The following INTS15 variants were observed in gnomAD, a reference collection of about 807,000 sequenced individuals.
The protein encoded by INTS15 is uncharacterized protein C7orf26.
chr7:6,600,247 G>A, the INTS15 span: 19 of 1,614,080 alleles, frequency 1.2e-5, no homozygotes, highest in African/African-American at 4.0e-5. Flanking sequence ...ACAGGTTGGC[G>A]GATGAACTGA....
At chr7:6,597,921 A>T in the INTS15 span, among the ~76,000 whole-genome samples, 4 of 152,124 alleles carry the variant, frequency 2.6e-5, no homozygotes, top group Admixed American at 6.6e-5. Flanking sequence ...CCACATAATT[A>T]TATCCCCCCT....
the INTS15 span, among the ~76,000 whole-genome samples, chr7:6,605,600 C>A: frequency 2.0e-5 from 3 of 152,182 alleles, no homozygotes; most frequent in Admixed American, 2.0e-4. Flanking sequence ...CTGGTGGCCG[C>A]CTCTCCTGAC....
chr7:6,593,979 C>T, the INTS15 span, among the ~76,000 whole-genome samples: 7 of 147,036 alleles, frequency 4.8e-5, no homozygotes, highest in Admixed American at 4.8e-4. Context: ...TTGCCCACCC[C>T]TGCTTCAGTG....
At chr7:6,591,079 C>G in the INTS15 span, among the ~76,000 whole-genome samples, 4 of 147,714 alleles carry the variant, frequency 2.7e-5, no homozygotes, top group East Asian at 7.8e-4. Flanking sequence ...GCTCAAGATT[C>G]TCTCTCCTTG....
chr7:6,599,708 C>T, the INTS15 span: 14 of 923,206 alleles, frequency 1.5e-5, no homozygotes, highest in South Asian at 4.8e-5. Flanking sequence ...AGCCAGGAGG[C>T]GTGATCCAGA....
At chr7:6,599,121 C>T in the INTS15 span, among the ~76,000 whole-genome samples, 7 of 152,168 alleles carry the variant, frequency 4.6e-5, no homozygotes, top group South Asian at 4.1e-4. Context: ...CTTGACATGA[C>T]TGTCCCTCAG....
chr7:6,594,378 G>T, the INTS15 span: 1 of 1,575,660 alleles, frequency 6.3e-7, no homozygotes, highest in South Asian at 1.1e-5. Flanking sequence ...GTGCATAGTT[G>T]CTGGTCTACT....
At chr7:6,606,659 G>A in the INTS15 span, among the ~76,000 whole-genome samples, 12 of 151,796 alleles carry the variant, frequency 7.9e-5, no homozygotes, top group Non-Finnish European at 1.6e-4. Flanking sequence ...TAGGGAGGAG[G>A]CCTGGGACCT....
At chr7:6,607,604 C>T in the INTS15 span, 4 of 1,389,910 alleles carry the variant, frequency 2.9e-6, no homozygotes, top group East Asian at 3.9e-5. This position sits in a 1 kb window ranked among gnomAD's most constrained non-coding sequence, Gnocchi z 6.0. Flanking sequence ...TCAGGTAGGG[C>T]GCGGTCATTC....
the INTS15 span, chr7:6,591,556 G>A: frequency 1.2e-5 from 14 of 1,190,406 alleles, no homozygotes; most frequent in Admixed American, 3.5e-5. Flanking sequence ...GAGCCACCGC[G>A]CCCAGTCTAT....
the INTS15 span, among the ~76,000 whole-genome samples, chr7:6,593,329 G>GTTTTTTTTT: frequency 6.9e-5 from 9 of 130,840 alleles, no homozygotes; most frequent in Non-Finnish European, 1.5e-4. Flanking sequence ...CTGTGCGGTG[G>GTTTTTTTTT]TTTTTTTTTT....
chr7:6,607,842 C>T, the INTS15 span: 2 of 1,522,510 alleles, frequency 1.3e-6, no homozygotes, highest in Non-Finnish European at 1.8e-6. This position sits in a 1 kb window ranked among gnomAD's most constrained non-coding sequence, Gnocchi z 6.0. Context: ...CCCGGGTGGT[C>T]CGTGCCTGTG....
the INTS15 span, among the ~76,000 whole-genome samples, chr7:6,599,416 C>T: frequency 6.6e-6 from 1 of 152,004 alleles, no homozygotes; most frequent in Non-Finnish European, 1.5e-5. Flanking sequence ...ATTGCTGTCA[C>T]TGCCCCATAC....
At chr7:6,600,768 G>A in the INTS15 span, among the ~76,000 whole-genome samples, 20 of 150,694 alleles carry the variant, frequency 1.3e-4, no homozygotes, top group African/African-American at 4.4e-4. Flanking sequence ...AGCAATCATC[G>A]TGCATCAGCC....
the INTS15 span, chr7:6,600,307 G>A: frequency 2.9e-5 from 47 of 1,613,714 alleles, no homozygotes; most frequent in Non-Finnish European, 3.8e-5. Context: ...ACCGGCTGGC[G>A]CAGGCTCTGC....
the INTS15 span, chr7:6,608,620 A>G: frequency 1.4e-6 from 1 of 709,342 alleles, no homozygotes; most frequent in East Asian, 1.3e-4. Context: ...AGCACTGCTC[A>G]GGGAGGCTGT....
chr7:6,596,934 A>G, the INTS15 span, among the ~76,000 whole-genome samples: 67 of 150,672 alleles, frequency 4.4e-4, no homozygotes, highest in Non-Finnish European at 7.5e-4. Flanking sequence ...GCCCGCTACC[A>G]CACCCGGCTA....
chr7:6,602,092 T>A, the INTS15 span: 1 of 1,612,516 alleles, frequency 6.2e-7, no homozygotes, highest in Admixed American at 1.7e-5. Context: ...TGTATCTCCT[T>A]AATTGCAGAT....
chr7:6,596,099 T>C, the INTS15 span, among the ~76,000 whole-genome samples: 2 of 151,880 alleles, frequency 1.3e-5, no homozygotes, highest in Admixed American at 6.6e-5. Flanking sequence ...TCGCCCAGGC[T>C]AGAATGCAGT....
Sources: gnomAD v4.1 joint callset for allele counts (sites outside exome capture counted in the v4.1 genomes callset) on GRCh38, gnomAD v4.1.1 for gene constraint, Gnocchi (gnomAD v3.1) non-coding constraint, MANE v1.5 for transcripts, NCBI Gene and HGNC (gene_info 2026-07-23, HGNC 2026-07-21) for gene names.